The following DUOX1 variants were observed in gnomAD, a reference collection of about 807,000 sequenced individuals.
DUOX1 encodes the protein dual oxidase 1, also known as NADPH thyroid oxidase 1.
In DUOX1, 134 loss-of-function variants were observed where a neutral mutation model predicts 181.8. The observed-to-expected ratio is 0.74, with a 90% CI of 0.64 to 0.85. The LOEUF is 0.85. Ranked by LOEUF, DUOX1 falls within the 40% of genes least tolerant of loss-of-function variation. The pLI is 0.00. For missense variants in DUOX1, 1,814 were observed against 2,064.4 expected, an observed-to-expected ratio of 0.88 and a Z score of 2.35; for synonymous variants, 798 against 832.5, an observed-to-expected ratio of 0.96 and a Z score of 0.71.
intron 26 of DUOX1, chr15:45,153,707 C>T (rs967397975): frequency 3.1e-6 from 2 of 643,248 alleles, no homozygotes; most frequent in Non-Finnish European, 2.8e-6. Flanking sequence ...CCTGAAGGGT[C>T]CCATCTGGAA....
chr15:45,139,895 G>T, intron 12 of DUOX1: 3 of 573,590 alleles, frequency 5.2e-6, no homozygotes, highest in Non-Finnish European at 6.2e-6. Context: ...CCTCCTGAGT[G>T]GGTATAGAAG....
At chr15:45,146,444 G>T (rs544745603) in intron 18 of DUOX1, among the ~76,000 whole-genome samples, 1 of 152,286 alleles carries the variant, frequency 6.6e-6, no homozygotes, top group Non-Finnish European at 1.5e-5. Flanking sequence ...GGGGCTATGG[G>T]AACTCCCTGT....
intron 23 of DUOX1, 132 bp from the exon 24 acceptor site, chr15:45,151,742 A>AG: frequency 1.1e-6 from 1 of 936,996 alleles, no homozygotes; most frequent in East Asian, 2.4e-5. Flanking sequence ...TTCTTCCACA[A>AG]GGGTAACTAG....
At position 45,134,285 on chromosome 15, in the gene DUOX1, C is replaced by T. The variant is rs768539484; in HGVS notation, c.283C>T (p.Arg95Cys). 1.0e-5 allele frequency: 16 copies of T among 1,603,670 alleles called. No individual in the cohort carries two copies. Among genetic ancestry groups the T allele is most frequent in the Middle Eastern group, 1.7e-4 (1 of 6,026 alleles). ...GPAGLASLRN[R>C]TVLGVFFGYH... The stretch of plus-strand genomic sequence containing the variant: ...TGCAGGGCTGGCCTCCCTGAGAAAC[C>T]GCACAGTGTTGGGGGTCTTCTTTGG... The change falls in exon 4 of 34, where the codon CGC (arginine) becomes TGC (cysteine). Residue 95 changes from arginine (R) to cysteine (C), a missense_variant. Around this residue, in one of 5 missense-constraint regions of DUOX1, gnomAD observed 320 missense variants for 313.1 expected, o/e 1.02. Coordinates refer to ENST00000389037, the MANE Select transcript of DUOX1 (RefSeq NM_175940.3).
intron 7 of DUOX1, 133 bp from the exon 8 acceptor site, chr15:45,136,217 T>G: frequency 7.0e-7 from 1 of 1,435,236 alleles, no homozygotes; most frequent in East Asian, 2.4e-5. Context: ...ACACTGCTCC[T>G]GTTTGAGTTG....
Position 45,145,056 on chromosome 15 carries a change from C to G in DUOX1, c.2298C>G (p.Thr766=). 1 of 1,608,170 alleles carries G rather than the reference C, an allele frequency of 6.2e-7. No homozygotes were observed. Residue 766 remains threonine (T), a synonymous_variant, in exon 18 of 34, where the codon ACC becomes ACG. Transcript: ENST00000389037. ...AGCAGCGGAGGCACCTCCTGGAGAC[C>G]TTTTTCAGGCACCTTTTCTCCCAGG... is the stretch of plus-strand genomic sequence containing the variant. ...TREQRRHLLE[T]FFRHLFSQVL... is the part of the protein sequence containing the mutation.
rs1246794230 is a variant in DUOX1, at chr15:45,160,990, G to C, written c.3856G>C (p.Gly1286Arg). The change falls in exon 29 of 34, where the codon GGA becomes CGA. Residue 1286 changes from glycine to arginine, a missense_variant and splice_region_variant. Transcript: ENST00000389037. ...SVVKAELLPS[G>R]VTHLRFQRPQ... ...GGTGAAGGCGGAGCTGCTGCCCTCA[G>C]GTACCAGCCTGGCAGGAGATCAGCT... 5.6e-6 allele frequency: 9 copies of C among 1,614,026 alleles called. No homozygotes were observed. Among genetic ancestry groups the C allele is most frequent in the Non-Finnish European group, 7.6e-6 (9 of 1,180,034 alleles).
chr15:45,140,129 G>GAGGTCCA, intron 12 of DUOX1: 1 of 1,096,818 alleles, frequency 9.1e-7, no homozygotes, highest in Non-Finnish European at 1.3e-6. Context: ...GTGCTGAACA[G>GAGGTCCA]GGGTCCTGTT....
rs201606938 is a variant in DUOX1, at chr15:45,134,139, C to T, written c.143-6C>T. The T allele has an allele frequency of 3.9e-6, 6 of 1,550,196 alleles. No homozygotes were observed. Among genetic ancestry groups the T allele is most frequent in the South Asian group, 3.7e-5 (3 of 80,322 alleles). On this transcript the variant is annotated splice_region_variant and splice_polypyrimidine_tract_variant and intron_variant, in intron 3 of 33. Transcript: ENST00000389037. ...TTCATCCTTATCCTTACCCCTCCTACCCCAGGCTCCCGGCTGCAGCGCCTG... is the reference window on the plus strand; with the variant it reads ...TTCATCCTTATCCTTACCCCTCCTATCCCAGGCTCCCGGCTGCAGCGCCTG...
intron 28 of DUOX1, among the ~76,000 whole-genome samples, chr15:45,160,581 T>G (rs1897072213): frequency 9.4e-6 from 1 of 106,662 alleles, no homozygotes; most frequent in South Asian, 4.4e-4. Context: ...GGCTCCTGCA[T>G]GAGTCCAGGT....
chr15:45,135,546 C>T lies in DUOX1; in HGVS notation c.568C>T (p.Arg190Trp), dbSNP rs1441158898. ...GSSHSWSDAL[R>W]SFSRGQLASG... ...CTCGCATTCCTGGAGCGACGCGCTG[C>T]GGAGCTTCTCCAGGGGACAGCTGGC... The change falls in exon 6 of 34, where the codon CGG (arginine) becomes TGG (tryptophan). Residue 190 changes from arginine to tryptophan, a missense_variant. This residue lies in a region of DUOX1 where 320 missense variants were observed against 313.1 expected (regional missense o/e 1.02). Transcript: ENST00000389037. 7 of 1,558,518 alleles carry T rather than the reference C, an allele frequency of 4.5e-6. No homozygotes were observed. The highest frequency in any genetic ancestry group is 6.1e-6 in the Non-Finnish European group (7 of 1,152,554).
intron 2 of DUOX1, among the ~76,000 whole-genome samples, chr15:45,132,310 C>T (rs1366381522): frequency 6.6e-6 from 1 of 152,164 alleles, no homozygotes; most frequent in Non-Finnish European, 1.5e-5. Context: ...TCTCTCTTCT[C>T]TTGTTTTCCA....
At chr15:45,152,639 T>C in intron 25 of DUOX1, 123 bp downstream of exon 25, 2 of 992,454 alleles carry the variant, frequency 2.0e-6, no homozygotes, top group Non-Finnish European at 3.0e-6. Flanking sequence ...CAGGATGGAG[T>C]TGGCCTGGGC....
Position 45,139,117 on chromosome 15 carries a change from G to C in DUOX1, c.1165G>C (p.Ala389Pro). 1 of 1,614,176 alleles carries C rather than the reference G, an allele frequency of 6.2e-7. No individual in the cohort carries two copies. The highest frequency in any genetic ancestry group is 8.5e-7 in the Non-Finnish European group (1 of 1,180,034). The change falls in exon 11 of 34, where the codon GCC becomes CCC. Residue 389 changes from alanine (A) to proline (P), a missense_variant. Physicochemically the swap from Ala to Pro is conservative, Grantham distance 27 (BLOSUM62 -1). Transcript: ENST00000389037. The part of the protein sequence containing the change: ...EDVDALLLGM[A>P]SQIAEREDHV... ...TGTGGATGCACTGCTGCTGGGCATG[G>C]CCTCCCAGATCGCAGAGCGAGAGGA... is the stretch of plus-strand genomic sequence containing the variant.
Position 45,135,460 on chromosome 15 carries a change from C to T in DUOX1, c.496-14C>T, listed in dbSNP as rs766947968. ...CGCCCATCGACCCGGGCTCACCCGC[C>T]GCGTGCCCCGCAGGCCAACCAGGTG... On this transcript the variant is annotated splice_polypyrimidine_tract_variant and intron_variant, in intron 5 of 33. Transcript: ENST00000389037. 5 of 1,546,474 alleles carry T rather than the reference C, an allele frequency of 3.2e-6. No homozygotes were observed. In the South Asian group the frequency reaches 3.6e-5, roughly 11 times the overall value.
In DUOX1 at chr15:45,153,493, A is replaced by AGT. The variant is rs1896874757; in HGVS notation, c.3524+14_3524+15insGT. On this transcript the variant is annotated intron_variant, in intron 26 of 33. Coordinates refer to ENST00000389037, the MANE Select transcript of DUOX1 (RefSeq NM_175940.3). ...CCATGATGATGGGTGAGTAAGTGCG[A>AGT]ATGTGTGTGTGTGTGTGTGTGTGTG... The AGT allele has an allele frequency of 4.2e-6, 5 of 1,193,378 alleles. No homozygotes were observed. Among genetic ancestry groups the AGT allele is most frequent in the East Asian group, 4.7e-5 (2 of 42,180 alleles). 73.9% of individuals were successfully genotyped at this position (1,193,378 alleles called of 1,614,324 possible). A position where few individuals can be genotyped will look rare whatever the true frequency, so the allele number is the denominator to read the frequency against.
intron 31 of DUOX1, 115 bp from the exon 32 acceptor site, chr15:45,163,417 T>C: frequency 6.2e-6 from 9 of 1,454,196 alleles, no homozygotes; most frequent in Non-Finnish European, 8.4e-6. Context: ...CCCCAGGCTG[T>C]CTAGGGAAGG....
intron 10 of DUOX1, 68 bp downstream of exon 10, chr15:45,138,082 G>T: frequency 1.1e-6 from 1 of 891,302 alleles, no homozygotes; most frequent in Non-Finnish European, 1.6e-6. Context: ...GTGTGTATGT[G>T]TGTGTGTGTG....
chr15:45,141,164 C>G, intron 13 of DUOX1, 94 bp downstream of exon 13: 1 of 1,570,130 alleles, frequency 6.4e-7, no homozygotes, highest in Non-Finnish European at 8.8e-7. Context: ...GCCCTTGATT[C>G]CAAGCCAGCC....
Sources: gnomAD v4.1 joint callset for allele counts (sites outside exome capture counted in the v4.1 genomes callset) on GRCh38, gnomAD v4.1.1 for gene constraint, gnomAD v4.1.1 regional missense constraint, MANE v1.5 for transcripts, NCBI Gene and HGNC (gene_info 2026-07-23, HGNC 2026-07-21) for gene names.